The following ARHGAP22 variants were observed in gnomAD, a reference collection of about 807,000 sequenced individuals.
ARHGAP22 encodes the protein rho GTPase-activating protein 22.
ARHGAP22 carries 48 observed loss-of-function variants against 59.1 expected under a neutral mutation model. That is an observed-to-expected ratio of 0.81 (90% CI 0.64 to 1.03). The LOEUF (loss-of-function observed/expected upper bound fraction) is 1.03. Among genes scored for constraint, ARHGAP22 ranks in the 50% least tolerant of loss-of-function variants. The probability of loss-of-function intolerance (pLI) is 0.00; values close to 1 mark genes in which losing one functional copy is unlikely to be tolerated. For synonymous variants in ARHGAP22, 445 were observed against 416.4 expected (o/e 1.07, Z -0.84); for missense variants, 1,015 against 958.7 (o/e 1.06, Z -0.78).
intron 3 of ARHGAP22, among the ~76,000 whole-genome samples, chr10:48,520,179 G>A (rs2053674504): frequency 6.6e-6 from 1 of 152,192 alleles, no homozygotes; most frequent in Non-Finnish European, 1.5e-5. Flanking sequence ...TCTGCAGGCC[G>A]CAGACAGGCA....
intron 1 of ARHGAP22, among the ~76,000 whole-genome samples, chr10:48,638,523 C>A (rs754839995): frequency 4.6e-5 from 7 of 152,114 alleles, no homozygotes; most frequent in Non-Finnish European, 8.8e-5. Flanking sequence ...TGAGTGCCTC[C>A]CCTGCCCAGT....
At chr10:48,640,809 G>A (rs1380501172) in intron 1 of ARHGAP22, among the ~76,000 whole-genome samples, 1 of 152,184 alleles carries the variant, frequency 6.6e-6, no homozygotes, top group Admixed American at 6.5e-5. Flanking sequence ...TGGTAAACAT[G>A]TGGGTTAATA....
chr10:48,518,496 T>C (rs2053509158), intron 3 of ARHGAP22, among the ~76,000 whole-genome samples: 1 of 152,064 alleles, frequency 6.6e-6, no homozygotes, highest in Admixed American at 6.5e-5. Flanking sequence ...TCTCAGGAAA[T>C]AGTGACACTT....
intron 1 of ARHGAP22, among the ~76,000 whole-genome samples, chr10:48,617,269 C>CT (rs1236621877): frequency 6.6e-6 from 1 of 151,918 alleles, no homozygotes; most frequent in Non-Finnish European, 1.5e-5. Flanking sequence ...AACTTCAATA[C>CT]TTCAGTCTCA....
chr10:48,451,296 AC>A, intron 8 of ARHGAP22, 156 bp from the exon 9 acceptor site: 3 of 1,020,064 alleles, frequency 2.9e-6, no homozygotes, highest in Non-Finnish European at 4.5e-6. Context: ...AGAGGAAAGG[AC>A]CACACACCCT....
In ARHGAP22 at chr10:48,450,857, G is replaced by A. The variant is rs1305207354; in HGVS notation, c.1272C>T (p.Thr424=). 4.4e-6 allele frequency: 7 copies of A among 1,590,792 alleles called. No homozygotes were observed. The South Asian group carries it at 4.6e-5, about 10-fold the overall frequency. Residue 424 remains threonine (T), a synonymous_variant, in exon 9 of 10, where the codon ACC becomes ACT. Transcript: ENST00000249601. The stretch of plus-strand genomic sequence containing the variant: ...GGAAGGAGGACTTCCAACTGGGCAG[G>A]GTCTGCACCTTCTTCCCAGGGCTGC... ...SRCSPGKKVQ[T]LPSWKSSFRQ...
At chr10:48,505,230 T>G (rs963719472) in intron 3 of ARHGAP22, among the ~76,000 whole-genome samples, 8 of 152,124 alleles carry the variant, frequency 5.3e-5, no homozygotes, top group Non-Finnish European at 1.0e-4. Context: ...ATTTTTGTAT[T>G]TTTTAATAGA....
chr10:48,547,934 C>T (rs532923994), intron 3 of ARHGAP22, among the ~76,000 whole-genome samples: 14 of 152,348 alleles, frequency 9.2e-5, no homozygotes, highest in African/African-American at 3.4e-4. Flanking sequence ...TTGTCTTCTA[C>T]TCTCCCCTCT....
At chr10:48,573,778 G>T (rs2058541707) in intron 2 of ARHGAP22, among the ~76,000 whole-genome samples, 1 of 152,222 alleles carries the variant, frequency 6.6e-6, no homozygotes. Flanking sequence ...CACACCAAAA[G>T]TAGGAACAAG....
At chr10:48,537,984 G>A (rs532213489) in intron 3 of ARHGAP22, among the ~76,000 whole-genome samples, 1 of 152,322 alleles carries the variant, frequency 6.6e-6, no homozygotes, top group South Asian at 2.1e-4. Flanking sequence ...AGTGGCCCTG[G>A]CAGTGTCACT....
At chr10:48,549,251 T>A (rs1042699835) in intron 3 of ARHGAP22, among the ~76,000 whole-genome samples, 1 of 152,210 alleles carries the variant, frequency 6.6e-6, no homozygotes, top group South Asian at 2.1e-4. Flanking sequence ...ACTATTGAGA[T>A]GGAGGGAAGG....
intron 1 of ARHGAP22, among the ~76,000 whole-genome samples, chr10:48,626,214 G>A (rs2061444022): frequency 6.6e-6 from 1 of 152,122 alleles, no homozygotes; most frequent in African/African-American, 2.4e-5. Context: ...ACTCACCCAG[G>A]GGGCTTTCTT....
chr10:48,437,204 A>G, the ARHGAP22 span: 3 of 152,232 alleles, frequency 2.0e-5, no homozygotes, highest in African/African-American at 7.2e-5. Flanking sequence ...ATACTTAACA[A>G]ATTATATCCT....
At chr10:48,560,093 TAA>T (rs1476194732) in intron 2 of ARHGAP22, among the ~76,000 whole-genome samples, 1 of 152,222 alleles carries the variant, frequency 6.6e-6, no homozygotes, top group African/African-American at 2.4e-5. Context: ...CAGATAGAAT[TAA>T]GTTTGCTAAC....
chr10:48,534,388 C>T (rs1376493756), intron 3 of ARHGAP22, among the ~76,000 whole-genome samples: 2 of 152,204 alleles, frequency 1.3e-5, no homozygotes, highest in Non-Finnish European at 1.5e-5. Flanking sequence ...ACTTTCTTTC[C>T]TCCCCCACCC....
intron 1 of ARHGAP22, among the ~76,000 whole-genome samples, chr10:48,585,856 T>A (rs531362546): frequency 1.6e-3 from 245 of 152,272 alleles, no homozygotes; most frequent in African/African-American, 5.7e-3. Flanking sequence ...GCTGGATTGG[T>A]GATTCCTCAG....
intron 1 of ARHGAP22, among the ~76,000 whole-genome samples, chr10:48,636,990 T>C (rs1233605829): frequency 6.6e-6 from 1 of 152,146 alleles, no homozygotes; most frequent in Admixed American, 6.5e-5. Flanking sequence ...GGCCAGGACT[T>C]TAGCTTCATT....
At chr10:48,496,338 T>G (rs1186479490) in intron 3 of ARHGAP22, among the ~76,000 whole-genome samples, 1 of 152,048 alleles carries the variant, frequency 6.6e-6, no homozygotes. Context: ...GGTAATAACA[T>G]TAAATAACAA....
rs530717674 is a variant in ARHGAP22 at position 48,572,402 on chromosome 10, G to A, written c.234+10551C>T. Reference sequence around the variant, plus strand: ...AGCTTTGATTGGACAAGAGATGGATGTCAGTAACTTTCTCCTGATAAAAGA... The same window carrying A: ...AGCTTTGATTGGACAAGAGATGGATATCAGTAACTTTCTCCTGATAAAAGA... On this transcript the variant is annotated intron_variant, in intron 2 of 9. Coordinates refer to ENST00000249601, the MANE Select transcript of ARHGAP22 (RefSeq NM_021226.4). Among the ~76,000 whole-genome samples the A allele has an allele frequency of 3.1e-4, 47 of 152,342 alleles. 1 individual carries two copies. In the South Asian group the frequency reaches 9.7e-3, roughly 32 times the overall value.
Sources: allele counts gnomAD v4.1 joint callset (sites outside exome capture counted in the v4.1 genomes callset), GRCh38; gene constraint gnomAD v4.1.1; transcripts MANE v1.5; gene names NCBI Gene and HGNC (gene_info 2026-07-23, HGNC 2026-07-21).